The following HLF variants were observed in gnomAD, a reference collection of about 807,000 sequenced individuals.
HLF encodes HLF transcription factor, PAR bZIP family member, also known as hepatic leukemia factor.
Under a neutral mutation model 22.6 loss-of-function variants are expected in HLF, and 3 were observed. The observed-to-expected ratio is 0.13, with a 90% CI of 0.06 to 0.34. HLF has a LOEUF of 0.34. HLF is among the 10% of genes least tolerant of loss of function. The pLI, the probability that HLF is intolerant of heterozygous loss-of-function variation, is 1.00. For missense variants in HLF, 299 were observed against 389.2 expected, an observed-to-expected ratio of 0.77 and a Z score of 1.95; for synonymous variants, 151 against 151.8, an observed-to-expected ratio of 0.99 and a Z score of 0.04.
intron 1 of HLF, 59 bp downstream of exon 1, chr17:55,265,658 CG>C: frequency 7.8e-7 from 1 of 1,275,890 alleles, no homozygotes; most frequent in South Asian, 1.3e-5. Context: ...TCCCCCTCCG[CG>C]GCCGGGCACG....
At chr17:55,302,516 G>T (rs1417394528) in intron 2 of HLF, among the ~76,000 whole-genome samples, 1 of 152,148 alleles carries the variant, frequency 6.6e-6, no homozygotes, top group Non-Finnish European at 1.5e-5. Context: ...GGGGGTTGGA[G>T]GGGAGGGAAG....
At chr17:55,293,126 A>G (rs934758329) in intron 2 of HLF, among the ~76,000 whole-genome samples, 6 of 152,248 alleles carry the variant, frequency 3.9e-5, no homozygotes, top group African/African-American at 1.4e-4. Flanking sequence ...ATTTCAGAAT[A>G]CATAGAAGAT....
chr17:55,322,749 T>A lies in HLF; in HGVS notation c.*1870T>A, dbSNP rs12940636. Reference sequence around the variant, plus strand: ...TGCCACAAAAATGTTCACTTCGAAATTCTGAGTTCCTGGAATGGCACGTTG... The same window carrying A: ...TGCCACAAAAATGTTCACTTCGAAAATCTGAGTTCCTGGAATGGCACGTTG... On this transcript the variant is annotated 3_prime_UTR_variant, in exon 4 of 4. Transcript: ENST00000226067. The A allele has an allele frequency of 4.5e-6, 1 of 223,474 alleles. No individual in the cohort carries two copies. Among genetic ancestry groups the A allele is most frequent in the Non-Finnish European group, 9.0e-6 (1 of 111,638 alleles). The allele number at this position is 223,474 out of a possible 1,614,324, so 13.8% of individuals were successfully genotyped here.
At chr17:55,312,843 C>G (rs1469874990) in intron 2 of HLF, among the ~76,000 whole-genome samples, 1 of 152,112 alleles carries the variant, frequency 6.6e-6, no homozygotes, top group East Asian at 1.9e-4. Flanking sequence ...AATTCTTATA[C>G]TAAAATTTTG....
chr17:55,316,896 A>G (rs979484690), intron 3 of HLF, among the ~76,000 whole-genome samples: 4 of 151,860 alleles, frequency 2.6e-5, no homozygotes, highest in South Asian at 2.1e-4. Flanking sequence ...GTCTTGGGCA[A>G]TTAGGTACCT....
chr17:55,308,510 G>A (rs926968904), intron 2 of HLF, among the ~76,000 whole-genome samples: 1 of 152,132 alleles, frequency 6.6e-6, no homozygotes, highest in Non-Finnish European at 1.5e-5. Flanking sequence ...AAAAGTCAAC[G>A]ATAGTCCCTT....
chr17:55,289,843 C>G (rs140277604), intron 2 of HLF, among the ~76,000 whole-genome samples: 4 of 152,202 alleles, frequency 2.6e-5, no homozygotes, highest in East Asian at 1.9e-4. Flanking sequence ...TCTGTTTTCT[C>G]AGCTCTTAAT....
At chr17:55,308,277 G>A (rs1177753554) in intron 2 of HLF, among the ~76,000 whole-genome samples, 1 of 152,230 alleles carries the variant, frequency 6.6e-6, no homozygotes, top group African/African-American at 2.4e-5. Flanking sequence ...AAGGGGAATA[G>A]TCTGTTTATT....
intron 2 of HLF, among the ~76,000 whole-genome samples, chr17:55,307,649 G>A (rs1302796787): frequency 6.6e-6 from 1 of 152,088 alleles, no homozygotes; most frequent in Non-Finnish European, 1.5e-5. Flanking sequence ...GGATCTGGGG[G>A]GTGTTATGTC....
At chr17:55,304,355 A>C (rs1329215119) in intron 2 of HLF, among the ~76,000 whole-genome samples, 1 of 152,138 alleles carries the variant, frequency 6.6e-6, no homozygotes, top group African/African-American at 2.4e-5. Flanking sequence ...ACAGGGGGCA[A>C]TGGCGAGAAG....
Position 55,307,147 on chromosome 17 carries a change from C to CTTT in HLF, c.452-8058_452-8056dup, listed in dbSNP as rs35828509. 7.7e-3 allele frequency among the ~76,000 whole-genome samples: 540 copies of CTTT among 70,178 alleles called. 5 individuals are homozygous for CTTT. Among genetic ancestry groups the CTTT allele is most frequent in the East Asian group, 0.015 (28 of 1,828 alleles). 46.0% of individuals were successfully genotyped at this position (70,178 alleles called of 152,430 possible). A position where few individuals can be genotyped will look rare whatever the true frequency, so the allele number is the denominator to read the frequency against. On this transcript the variant is annotated intron_variant, in intron 2 of 3. Coordinates refer to ENST00000226067, the MANE Select transcript of HLF (RefSeq NM_002126.5). Reference sequence around the variant, plus strand: ...GGTTGAATGGTCTCCTCTCAGCGGCCTTTTTTTTTTTTTTTTTTTTTTTTG... The same window carrying CTTT: ...GGTTGAATGGTCTCCTCTCAGCGGCCTTTTTTTTTTTTTTTTTTTTTTTTTTTG...
Position 55,301,755 on chromosome 17 carries a change from C to T in HLF, c.452-13472C>T, listed in dbSNP as rs544707587. Among the ~76,000 whole-genome samples the T allele has an allele frequency of 2.0e-4, 31 of 152,200 alleles. 1 individual carries two copies. Among genetic ancestry groups the T allele is most frequent in the African/African-American group, 6.7e-4 (28 of 41,528 alleles). On this transcript the variant is annotated intron_variant, in intron 2 of 3. Coordinates refer to ENST00000226067, the MANE Select transcript of HLF (RefSeq NM_002126.5). Reference sequence around the variant, plus strand: ...CATTGGCTTCCTTTGATCATGGTGGCGATACTCTAGGAAGAGTAATCTGGT... The same window carrying T: ...CATTGGCTTCCTTTGATCATGGTGGTGATACTCTAGGAAGAGTAATCTGGT...
rs1029680539 is a variant in HLF at position 55,322,377 on chromosome 17, A to G, written c.*1498A>G. On this transcript the variant is annotated 3_prime_UTR_variant, in exon 4 of 4. Transcript: ENST00000226067. Reference sequence around the variant, plus strand: ...ATACTGACAATGTATTTTGGAAGACATATATTATATATAGAAAAGAGGAGA... The same window carrying G: ...ATACTGACAATGTATTTTGGAAGACGTATATTATATATAGAAAAGAGGAGA... 5.2e-6 allele frequency: 1 copy of G among 191,656 alleles called. No homozygotes were observed. Among genetic ancestry groups the G allele is most frequent in the African/African-American group, 2.3e-5 (1 of 43,184 alleles). 11.9% of individuals were successfully genotyped at this position (191,656 alleles called of 1,614,324 possible). A position where few individuals can be genotyped will look rare whatever the true frequency, so the allele number is the denominator to read the frequency against.
intron 2 of HLF, among the ~76,000 whole-genome samples, chr17:55,304,435 C>T (rs4793788): frequency 2.0e-5 from 3 of 152,052 alleles, no homozygotes; most frequent in Non-Finnish European, 2.9e-5. Context: ...GACTTCTAAC[C>T]GGCTGTGGTT....
At chr17:55,287,998 G>T (rs1411266630) in intron 2 of HLF, among the ~76,000 whole-genome samples, 17 of 152,182 alleles carry the variant, frequency 1.1e-4, no homozygotes. Context: ...TTTGCAAAGG[G>T]TTATGATAGT....
chr17:55,284,692 C>T lies in HLF; in HGVS notation c.451+16606C>T, dbSNP rs543460765. ...CAGAGGTGCCCTCTAGCCCTGTAAA[C>T]TTCTGCATTCTCCAGCACAGTTCCT... On this transcript the variant is annotated intron_variant, in intron 2 of 3. Transcript: ENST00000226067. Among the ~76,000 whole-genome samples the T allele has an allele frequency of 2.6e-5, 4 of 152,288 alleles. No individual in the cohort carries two copies. In the East Asian group the frequency reaches 5.8e-4, roughly 22 times the overall value.
chr17:55,320,895 G>C lies in HLF; in HGVS notation c.*16G>C, dbSNP rs757703411. The C allele has an allele frequency of 6.3e-7, 1 of 1,594,854 alleles. No individual in the cohort carries two copies. The highest frequency in any genetic ancestry group is 8.6e-7 in the Non-Finnish European group (1 of 1,168,654). ...GCCCCTGTAGGATGGCATTTTTGCA[G>C]GCTGGCTTTGGAATAGATGGACAGT... On this transcript the variant is annotated 3_prime_UTR_variant, in exon 4 of 4. Coordinates refer to ENST00000226067, the MANE Select transcript of HLF (RefSeq NM_002126.5). The surrounding 1 kb of genome is among the most constrained non-coding windows in gnomAD (Gnocchi z 4.2).
rs575951042 is a variant in HLF at position 55,303,007 on chromosome 17, G to A, written c.452-12220G>A. On this transcript the variant is annotated intron_variant, in intron 2 of 3. Transcript: ENST00000226067. ...GGAGGGCAGAATGAGGCTATAGATA[G>A]GCAGCATGTCATTGGACTAGGTCCG... Among the ~76,000 whole-genome samples the A allele has an allele frequency of 7.7e-4, 118 of 152,336 alleles. 1 individual carries two copies. The highest frequency in any genetic ancestry group is 1.1e-3 in the Non-Finnish European group (72 of 68,034).
intron 2 of HLF, among the ~76,000 whole-genome samples, chr17:55,293,391 T>C (rs1184292675): frequency 6.6e-6 from 1 of 152,200 alleles, no homozygotes; most frequent in Non-Finnish European, 1.5e-5. Flanking sequence ...AGCTTCCCCC[T>C]TTATCTGCTG....
Sources: gnomAD v4.1 joint callset for allele counts (sites outside exome capture counted in the v4.1 genomes callset) on GRCh38, gnomAD v4.1.1 for gene constraint, Gnocchi (gnomAD v3.1) non-coding constraint, MANE v1.5 for transcripts, NCBI Gene and HGNC (gene_info 2026-07-23, HGNC 2026-07-21) for gene names.